MARK3: variants seen among roughly 807,000 people sequenced by gnomAD.
MARK3 encodes microtubule affinity regulating kinase 3, also known as MAP/microtubule affinity-regulating kinase 3.
MARK3 carries 46 observed loss-of-function variants against 90.1 expected under a neutral mutation model. The ratio of observed to expected loss-of-function variants is 0.51; its 90% CI spans 0.40 to 0.65. The LOEUF (loss-of-function observed/expected upper bound fraction) is 0.65, where lower values mean the gene tolerates loss of function less well. Among genes scored for constraint, MARK3 ranks in the 30% least tolerant of loss-of-function variants. MARK3 has a pLI of 0.00. For missense variants in MARK3, 818 were observed against 947.2 expected, an observed-to-expected ratio of 0.86 and a Z score of 1.79; for synonymous variants, 321 against 332.6, an observed-to-expected ratio of 0.97 and a Z score of 0.38.
chr14:103,404,291 G>A (rs1566777885), intron 1 of MARK3, among the ~76,000 whole-genome samples: 1 of 152,198 alleles, frequency 6.6e-6, no homozygotes, highest in Non-Finnish European at 1.5e-5. Context: ...GTGGCTGTGA[G>A]TGCATGTGGA....
intron 3 of MARK3, among the ~76,000 whole-genome samples, chr14:103,440,726 A>G (rs2092829398): frequency 6.6e-6 from 1 of 152,092 alleles, no homozygotes; most frequent in Non-Finnish European, 1.5e-5. Flanking sequence ...CCAAGCCAGG[A>G]GTTCAAGAAC....
chr14:103,435,895 TTTTA>T (rs1451797796), intron 3 of MARK3, among the ~76,000 whole-genome samples: 1 of 151,746 alleles, frequency 6.6e-6, no homozygotes, highest in Non-Finnish European at 1.5e-5. Flanking sequence ...AAGTAACCTA[TTTTA>T]TTTATTTATG....
chr14:103,423,325 A>G (rs2092292926), intron 2 of MARK3, among the ~76,000 whole-genome samples: 1 of 151,396 alleles, frequency 6.6e-6, no homozygotes, highest in African/African-American at 2.4e-5. Context: ...ATTTTTCTCC[A>G]GTGGGTGTTT....
chr14:103,459,954 A>G (rs1456170910), intron 6 of MARK3, among the ~76,000 whole-genome samples: 7 of 151,626 alleles, frequency 4.6e-5, no homozygotes, highest in African/African-American at 1.7e-4. Context: ...ATTCATCACC[A>G]GATGGGTTTT....
chr14:103,494,496 G>C (rs2142058129), intron 15 of MARK3, among the ~76,000 whole-genome samples: 1 of 137,684 alleles, frequency 7.3e-6, no homozygotes, highest in African/African-American at 2.8e-5. Context: ...GTGAGCCGAG[G>C]TCACGCCATT....
intron 17 of MARK3, among the ~76,000 whole-genome samples, chr14:103,501,752 C>T (rs1418022614): frequency 6.6e-6 from 1 of 152,174 alleles, no homozygotes; most frequent in African/African-American, 2.4e-5. Flanking sequence ...TCTCACCTTA[C>T]AGTCTTCCTG....
intron 15 of MARK3, among the ~76,000 whole-genome samples, chr14:103,492,840 G>A (rs372536476): frequency 3.9e-5 from 6 of 152,138 alleles, no homozygotes; most frequent in African/African-American, 1.2e-4. Context: ...ACTTTGAACC[G>A]TAAACAATAG....
At chr14:103,415,803 A>G (rs2091920299) in intron 2 of MARK3, among the ~76,000 whole-genome samples, 1 of 152,212 alleles carries the variant, frequency 6.6e-6, no homozygotes, top group South Asian at 2.1e-4. Flanking sequence ...AAAAAGTTCT[A>G]ATGACAATCA....
chr14:103,392,001 CG>C (rs752247130), intron 1 of MARK3, among the ~76,000 whole-genome samples: 5 of 152,118 alleles, frequency 3.3e-5, no homozygotes, highest in Non-Finnish European at 7.4e-5. Context: ...TATGACACTT[CG>C]TAAGCCTGGT....
chr14:103,445,832 C>G (rs940872539), intron 3 of MARK3, among the ~76,000 whole-genome samples: 2 of 152,150 alleles, frequency 1.3e-5, no homozygotes, highest in African/African-American at 4.8e-5. Flanking sequence ...TTCATTTGAC[C>G]TGCTCCCCTG....
chr14:103,408,693 A>G (rs2091456112), intron 2 of MARK3, among the ~76,000 whole-genome samples: 1 of 152,144 alleles, frequency 6.6e-6, no homozygotes, highest in Non-Finnish European at 1.5e-5. Flanking sequence ...TGCCCTGTAA[A>G]TATTTTCATT....
intron 15 of MARK3, among the ~76,000 whole-genome samples, chr14:103,494,041 C>T (rs1281091873): frequency 6.6e-6 from 1 of 151,120 alleles, no homozygotes; most frequent in Non-Finnish European, 1.5e-5. Context: ...TGAGACAGGC[C>T]TGGCCAACAT....
At position 103,465,613 on chromosome 14, in the gene MARK3, T is replaced by C. The variant is rs1460521633; in HGVS notation, c.597T>C (p.Phe199=). ...ACATTAAAATAGCAGATTTCGGTTT[T>C]AGCAATGAATTTACTGTTGGCGGTA... ...DMNIKIADFG[F]SNEFTVGGKL... Residue 199 remains phenylalanine (F), a synonymous_variant, in exon 8 of 18, where the codon TTT becomes TTC. Coordinates refer to ENST00000429436, the MANE Select transcript of MARK3 (RefSeq NM_001128918.3). 1.2e-6 allele frequency: 2 copies of C among 1,614,214 alleles called. No individual in the cohort carries two copies. Among genetic ancestry groups the C allele is most frequent in the Admixed American group, 3.3e-5 (2 of 60,020 alleles).
intron 3 of MARK3, among the ~76,000 whole-genome samples, chr14:103,430,814 A>AT: frequency 6.6e-6 from 1 of 152,022 alleles, no homozygotes; most frequent in Non-Finnish European, 1.5e-5. Context: ...TTTCCTTTGT[A>AT]TTTTTGCAGC....
intron 2 of MARK3, among the ~76,000 whole-genome samples, chr14:103,405,987 G>T (rs545196403): frequency 3.3e-5 from 5 of 152,014 alleles, no homozygotes; most frequent in Non-Finnish European, 5.9e-5. Context: ...ACCTCCTGGG[G>T]TCAGGCAGTT....
intron 3 of MARK3, among the ~76,000 whole-genome samples, chr14:103,442,942 T>TTCCC (rs2092895933): frequency 9.6e-6 from 1 of 103,674 alleles, no homozygotes; most frequent in African/African-American, 3.6e-5. Flanking sequence ...TTGGTGGGTG[T>TTCCC]CCCCCCCCCT....
chr14:103,422,440 G>A (rs934185869), intron 2 of MARK3, among the ~76,000 whole-genome samples: 4 of 152,152 alleles, frequency 2.6e-5, no homozygotes, highest in Non-Finnish European at 5.9e-5. Flanking sequence ...GGGCGATAGA[G>A]CAAGACTCCA....
intron 13 of MARK3, among the ~76,000 whole-genome samples, chr14:103,476,120 G>C (rs1405084731): frequency 6.6e-6 from 1 of 152,180 alleles, no homozygotes; most frequent in Non-Finnish European, 1.5e-5. Flanking sequence ...GATGGTGATA[G>C]GTCCTTTATT....
At chr14:103,470,622 AT>A (rs1045143095) in intron 12 of MARK3, among the ~76,000 whole-genome samples, 1 of 150,802 alleles carries the variant, frequency 6.6e-6, no homozygotes, top group Non-Finnish European at 1.5e-5. Flanking sequence ...TGCCCAGCTA[AT>A]TTTTTTATTT....
Sources: allele counts gnomAD v4.1 joint callset (sites outside exome capture counted in the v4.1 genomes callset), GRCh38; gene constraint gnomAD v4.1.1; transcripts MANE v1.5; gene names NCBI Gene and HGNC (gene_info 2026-07-23, HGNC 2026-07-21).